Variants in DOCK5 observed in about 807,000 individuals in gnomAD.
DOCK5 encodes dedicator of cytokinesis protein 5.
A neutral mutation model predicts 251.8 loss-of-function variants in DOCK5; 142 were observed. The observed-to-expected ratio is 0.56, with a 90% CI of 0.49 to 0.65. The LOEUF (loss-of-function observed/expected upper bound fraction) is 0.65. Ranked by LOEUF, DOCK5 falls within the 30% of genes least tolerant of loss-of-function variation. DOCK5 has a pLI of 0.00. For missense variants in DOCK5, 2,111 were observed against 2,312.3 expected (o/e 0.91, Z 1.79); for synonymous variants, 842 against 835.5 (o/e 1.01, Z -0.13).
rs370984095 is a variant in DOCK5 at position 25,306,649 on chromosome 8, A to C, written c.1050-2134A>C. Among the ~76,000 whole-genome samples the C allele has an allele frequency of 3.2e-3, 494 of 152,076 alleles. 8 individuals carry two copies. The South Asian group carries it at 0.055, about 17-fold the overall frequency. ...GTGGAGCTTGCAGTGAGCCAAGATC[A>C]CGCCACTGCACTCCAGCCTCGGCGA... On this transcript the variant is annotated intron_variant, in intron 11 of 51. Transcript: ENST00000276440.
chr8:25,241,947 G>C lies in DOCK5; in HGVS notation c.44-1727G>C, dbSNP rs151217065. Among the ~76,000 whole-genome samples the C allele has an allele frequency of 4.9e-4, 72 of 146,056 alleles. No individual in the cohort carries two copies. In the East Asian group the frequency reaches 0.012, roughly 25 times the overall value. Reference sequence around the variant, plus strand: ...ATGTTCTCACTCATAAGTGGGAGTTGAACAATGAGAACACAAGGACACAGG... The same window carrying C: ...ATGTTCTCACTCATAAGTGGGAGTTCAACAATGAGAACACAAGGACACAGG... On this transcript the variant is annotated intron_variant, in intron 1 of 51. Coordinates refer to ENST00000276440, the MANE Select transcript of DOCK5 (RefSeq NM_024940.8).
rs770652288 is a variant in DOCK5, at chr8:25,278,588, C to T, written c.244C>T (p.Pro82Ser). 3.7e-6 allele frequency: 6 copies of T among 1,613,810 alleles called. No individual in the cohort carries two copies. In the African/African-American group the frequency reaches 8.0e-5, roughly 22 times the overall value. ...TTGTAGGCAGCATGAAACCGTGATT[C>T]CTGGCGAGCTCCCCCTGGTGCAGGA... ...EDLGQHETVI[P>S]GELPLVQELT... The change falls in exon 5 of 52, where the codon CCT (proline) becomes TCT (serine). Residue 82 changes from proline to serine, a missense_variant. Transcript: ENST00000276440.
chr8:25,328,573 C>CAG (rs529321498), intron 18 of DOCK5, among the ~76,000 whole-genome samples: 2 of 152,312 alleles, frequency 1.3e-5, no homozygotes, highest in South Asian at 4.1e-4. Flanking sequence ...GAGAGGGTAG[C>CAG]AGTGTTCTCA....
At chr8:25,289,110 C>G (rs1804416772) in intron 5 of DOCK5, among the ~76,000 whole-genome samples, 1 of 152,036 alleles carries the variant, frequency 6.6e-6, no homozygotes, top group African/African-American at 2.4e-5. Context: ...TCATTGCCCC[C>G]TACTTTACAC....
At position 25,219,836 on chromosome 8, in the gene DOCK5, G is replaced by A. The variant is rs184124444; in HGVS notation, c.44-23838G>A. On this transcript the variant is annotated intron_variant, in intron 1 of 51. Transcript: ENST00000276440. ...GTGTTGGCATGCCTTGGTAGGAATC[G>A]TCTTTCCGTTATTTGTGCTAGGTAT... Among the ~76,000 whole-genome samples, 384 of 151,834 alleles carry A rather than the reference G, an allele frequency of 2.5e-3. 2 individuals carry two copies. The highest frequency in any genetic ancestry group is 4.5e-3 in the Admixed American group (69 of 15,238).
rs149828746 is a variant in DOCK5, at chr8:25,308,894, T to C, written c.1161T>C (p.Ile387=). 5.6e-6 allele frequency: 9 copies of C among 1,613,584 alleles called. No homozygotes were observed. In the African/African-American group the frequency reaches 1.1e-4, roughly 19 times the overall value. The part of the protein sequence containing the change: ...EPLTSVLNKV[I]AAKEVNHKGQ... ...TCACTTCAGTCTTGAATAAAGTGAT[T>C]GCAGCAAAGGAAGTGAATCACAAAG... The change falls in exon 12 of 52, where the codon ATT becomes ATC. Residue 387 remains isoleucine (I), a synonymous_variant. Transcript: ENST00000276440.
chr8:25,370,883 A>G (rs745634344), intron 34 of DOCK5, among the ~76,000 whole-genome samples: 24 of 152,142 alleles, frequency 1.6e-4, no homozygotes, highest in African/African-American at 4.1e-4. Context: ...GCCTCAGGCA[A>G]TCCTCCAGCC....
chr8:25,213,452 C>T (rs1262506914), intron 1 of DOCK5, among the ~76,000 whole-genome samples: 3 of 150,098 alleles, frequency 2.0e-5, no homozygotes, highest in East Asian at 2.0e-4. Flanking sequence ...CCTTTGTGTG[C>T]GTCTGGTAGT....
Position 25,411,413 on chromosome 8 carries a change from G to C in DOCK5, c.*115G>C. ...CCTGCTGACTGCATTTCCTGATCTG[G>C]GATGATGTTTACCAGCCCAAAACCA... On this transcript the variant is annotated 3_prime_UTR_variant, in exon 52 of 52. Coordinates refer to ENST00000276440, the MANE Select transcript of DOCK5 (RefSeq NM_024940.8). 1 of 1,298,218 alleles carries C rather than the reference G, an allele frequency of 7.7e-7. No homozygotes were observed. The highest frequency in any genetic ancestry group is 9.9e-7 in the Non-Finnish European group (1 of 1,012,882). The allele number at this position is 1,298,218 out of a possible 1,614,324, so 80.4% of individuals were successfully genotyped here.
intron 31 of DOCK5, among the ~76,000 whole-genome samples, chr8:25,367,978 C>T (rs977247174): frequency 2.0e-5 from 3 of 152,096 alleles, no homozygotes; most frequent in South Asian, 2.1e-4. Flanking sequence ...TATTTTTCAG[C>T]GTTTCCATTT....
At chr8:25,373,582 A>G (rs779400182) in intron 35 of DOCK5, 36 bp from the exon 36 acceptor site, 1 of 1,560,478 alleles carries the variant, frequency 6.4e-7, no homozygotes, top group East Asian at 2.3e-5. Flanking sequence ...CTCTTGATTT[A>G]TGTTGGGATT....
At position 25,408,982 on chromosome 8, in the gene DOCK5, T is replaced by C. The variant is rs1801571485; in HGVS notation, c.5404+42T>C. On this transcript the variant is annotated intron_variant, in intron 50 of 51. Transcript: ENST00000276440. Reference sequence around the variant, plus strand: ...TCCTTATAGTCTTTTTACTAGGGAATGGAGTATGTTTATGCATCTGGGCAG... The same window carrying C: ...TCCTTATAGTCTTTTTACTAGGGAACGGAGTATGTTTATGCATCTGGGCAG... 5 of 1,613,166 alleles carry C rather than the reference T, an allele frequency of 3.1e-6. No individual in the cohort carries two copies. The South Asian group carries it at 5.5e-5, about 18-fold the overall frequency.
chr8:25,410,158 C>A lies in DOCK5; in HGVS notation c.5464C>A (p.Pro1822Thr). ...AATPVPPPPP[P>T]KSKPYEGSQR... ...CACTCCTGTCCCACCTCCACCTCCC[C>A]CCAAAAGCAAGCCCTATGAAGGCAG... The change falls in exon 51 of 52, where the codon CCC becomes ACC. Residue 1822 changes from proline to threonine, a missense_variant. Pro to Thr is a conservative substitution (Grantham distance 38). This residue lies in a region of DOCK5 where 1,717 missense variants were observed against 1,892.4 expected (regional missense o/e 0.91). Transcript: ENST00000276440. 1.2e-6 allele frequency: 2 copies of A among 1,613,700 alleles called. No homozygotes were observed. Among genetic ancestry groups the A allele is most frequent in the East Asian group, 2.2e-5 (1 of 44,816 alleles).
chr8:25,371,976 G>T (rs144491086), intron 34 of DOCK5, among the ~76,000 whole-genome samples: 5 of 152,210 alleles, frequency 3.3e-5, no homozygotes, highest in Admixed American at 3.3e-4. Context: ...TGAAAGTTTA[G>T]CCTCAGTTTG....
At chr8:25,317,590 T>C (rs1028000237) in intron 14 of DOCK5, among the ~76,000 whole-genome samples, 3 of 152,162 alleles carry the variant, frequency 2.0e-5, no homozygotes, top group Non-Finnish European at 2.9e-5. Flanking sequence ...AGGCATCCGC[T>C]ACCACTGCTC....
Position 25,369,613 on chromosome 8 carries a change from G to A in DOCK5, c.3496G>A (p.Glu1166Lys), listed in dbSNP as rs375960766. 5.3e-5 allele frequency: 86 copies of A among 1,611,044 alleles called. No homozygotes were observed. Among genetic ancestry groups the A allele is most frequent in the Middle Eastern group, 3.3e-4 (2 of 6,054 alleles). ...DQEVEGGRGDEQYKVLLEKLL... is the reference protein window; with the variant it reads ...DQEVEGGRGDKQYKVLLEKLL... ...GGAGGTAGAAGGGGGCAGAGGAGAC[G>A]AACAATACAAGGTTCTTCTGGAAAA... Residue 1166 changes from glutamate (E) to lysine (K), a missense_variant, in exon 34 of 52, where the codon GAA (glutamate) becomes AAA (lysine). Physicochemically the swap from Glu to Lys is moderately conservative, Grantham distance 56 (BLOSUM62 1). Around this residue, in one of 3 missense-constraint regions of DOCK5, gnomAD observed 1,717 missense variants for 1,892.4 expected, o/e 0.91. Transcript: ENST00000276440.
intron 1 of DOCK5, among the ~76,000 whole-genome samples, chr8:25,223,674 A>ATAAGAATG: frequency 6.6e-6 from 1 of 152,366 alleles, no homozygotes; most frequent in East Asian, 1.9e-4. Flanking sequence ...AGAGCGAGTG[A>ATAAGAATG]TAAGAATGGT....
intron 1 of DOCK5, among the ~76,000 whole-genome samples, chr8:25,222,826 C>T (rs1005579948): frequency 1.3e-5 from 2 of 152,198 alleles, no homozygotes; most frequent in Non-Finnish European, 2.9e-5. Flanking sequence ...AGATTCCCAT[C>T]ATCCAGTGAG....
intron 1 of DOCK5, among the ~76,000 whole-genome samples, chr8:25,220,987 G>A (rs1199795418): frequency 6.6e-6 from 1 of 152,104 alleles, no homozygotes; most frequent in Non-Finnish European, 1.5e-5. Flanking sequence ...TGTGGAGGGG[G>A]TGGGTAGGGA....
Sources: allele counts gnomAD v4.1 joint callset (sites outside exome capture counted in the v4.1 genomes callset), GRCh38; gene constraint gnomAD v4.1.1; regional missense constraint gnomAD v4.1.1; transcripts MANE v1.5; gene names NCBI Gene and HGNC (gene_info 2026-07-23, HGNC 2026-07-21).